Variants in HMCN1 observed in about 807,000 individuals in gnomAD.
HMCN1 encodes the protein hemicentin 1.
Under a neutral mutation model 625.9 loss-of-function variants are expected in HMCN1, and 321 were observed. That is an observed-to-expected ratio of 0.51 (90% CI 0.47 to 0.56). HMCN1 has a LOEUF of 0.56. HMCN1 is among the 20% of genes least tolerant of loss of function. HMCN1 has a pLI of 0.00. For synonymous variants in HMCN1, 2,425 were observed against 2,417.6 expected (o/e 1.00, Z -0.09); for missense variants, 6,588 against 6,887.3 (o/e 0.96, Z 1.54).
chr1:185,925,151 G>GTCTC lies in HMCN1; in HGVS notation c.1392_1393insTCTC (p.Arg465SerfsTer30). ...TCTTTTGCCCTTTACCTTGAGCTTT[G>GTCTC]TCAGAAATGGAGTTACACTTGGAGT... On this transcript the variant is annotated frameshift_variant, in exon 9 of 107. Coordinates refer to ENST00000271588, the MANE Select transcript of HMCN1 (RefSeq NM_031935.3). LOFTEE classifies it high-confidence loss of function. 1 of 1,613,926 alleles carries GTCTC rather than the reference G, an allele frequency of 6.2e-7. No homozygotes were observed. The highest frequency in any genetic ancestry group is 8.5e-7 in the Non-Finnish European group (1 of 1,179,902).
chr1:185,836,575 G>A (rs116596278), intron 1 of HMCN1, among the ~76,000 whole-genome samples: 2,752 of 152,026 alleles, frequency 0.018, 85 homozygotes, highest in African/African-American at 0.058. Context: ...AAAAATGTTC[G>A]TGTCCTTTTA....
chr1:186,115,566 T>C, intron 75 of HMCN1, 152 bp downstream of exon 75: 1 of 738,950 alleles, frequency 1.4e-6, no homozygotes, highest in South Asian at 1.7e-5. Flanking sequence ...ACTTAGTTTT[T>C]CAGCCTAAAA....
intron 4 of HMCN1, among the ~76,000 whole-genome samples, chr1:185,895,401 T>A (rs1218418522): frequency 6.6e-6 from 1 of 152,228 alleles, no homozygotes; most frequent in African/African-American, 2.4e-5. Flanking sequence ...TTGGCGATAT[T>A]CTTTCCTACT....
chr1:186,057,493 T>C (rs1657417210), intron 46 of HMCN1, 92 bp downstream of exon 46: 2 of 945,770 alleles, frequency 2.1e-6, no homozygotes, highest in Non-Finnish European at 3.4e-6. Flanking sequence ...TTTTATTGTT[T>C]TATTTTTTAA....
At position 186,001,338 on chromosome 1, in the gene HMCN1, G is replaced by T. The variant is rs967147302; in HGVS notation, c.4110G>T (p.Val1370=). Residue 1370 remains valine, a synonymous_variant, in exon 27 of 107, where the codon GTG becomes GTT. Transcript: ENST00000271588. ...VIKDKEQVTN[V]SVLLNQLTNL... ...AAGATAAAGAACAAGTTACAAATGT[G>T]TCGGTGTTGTTAAATCAGCTGACCA... is the stretch of plus-strand genomic sequence containing the variant. 5 of 1,612,004 alleles carry T rather than the reference G, an allele frequency of 3.1e-6. No individual in the cohort carries two copies. Among genetic ancestry groups the T allele is most frequent in the Non-Finnish European group, 8.5e-7 (1 of 1,178,488 alleles).
At chr1:185,939,520 A>G (rs1305399616) in intron 11 of HMCN1, among the ~76,000 whole-genome samples, 1 of 152,200 alleles carries the variant, frequency 6.6e-6, no homozygotes, top group Non-Finnish European at 1.5e-5. Flanking sequence ...TTTGACTTGT[A>G]GTTTTTTTGT....
chr1:185,989,108 C>T (rs531170205), intron 20 of HMCN1, among the ~76,000 whole-genome samples: 29 of 149,052 alleles, frequency 1.9e-4, no homozygotes, highest in Non-Finnish European at 2.5e-4. Context: ...CCCGGGTTCA[C>T]GCCATTCTCC....
chr1:185,871,159 G>A (rs2102370431), intron 4 of HMCN1, among the ~76,000 whole-genome samples: 1 of 151,424 alleles, frequency 6.6e-6, no homozygotes, highest in South Asian at 2.1e-4. Flanking sequence ...AGGCTGGGAG[G>A]CAGAAGTTGC....
rs1659517553 is a variant in HMCN1, at chr1:186,086,817, TAG to T, written c.9047-398_9047-397del. On this transcript the variant is annotated intron_variant, in intron 58 of 106. Transcript: ENST00000271588. ...AGATGATAGATAGATAGATAGATGA[TAG>T]ATAGATAGATAGATAGATAGATAGA... 8.3e-3 allele frequency among the ~76,000 whole-genome samples: 32 copies of T among 3,846 alleles called. No individual in the cohort carries two copies. In the South Asian group the frequency reaches 0.17, roughly 21 times the overall value. The allele number at this position is 3,846 out of a possible 152,430, so 2.5% of individuals were successfully genotyped here.
chr1:185,846,295 A>G (rs1661809649), intron 2 of HMCN1, among the ~76,000 whole-genome samples, 199 bp downstream of exon 2: 1 of 152,214 alleles, frequency 6.6e-6, no homozygotes, highest in African/African-American at 2.4e-5. Context: ...GGGGTTTGAA[A>G]TATCACCAGT....
intron 71 of HMCN1, among the ~76,000 whole-genome samples, chr1:186,108,967 G>T (rs1660752446): frequency 6.6e-6 from 1 of 152,208 alleles, no homozygotes; most frequent in African/African-American, 2.4e-5. Flanking sequence ...TAGGGAGAAT[G>T]CTTCTTTTAC....
At position 186,003,782 on chromosome 1, in the gene HMCN1, C is replaced by T. The variant is rs139736508; in HGVS notation, c.4413C>T (p.Val1471=). The change falls in exon 29 of 107, where the codon GTC becomes GTT. Residue 1471 remains valine, a synonymous_variant. Coordinates refer to ENST00000271588, the MANE Select transcript of HMCN1 (RefSeq NM_031935.3). Reference sequence around the variant, plus strand: ...TCTCAGTTGTCCTCAACCGTGACGTCGCCCTTGAATGCCAGGTCAAAGGCA... The same window carrying T: ...TCTCAGTTGTCCTCAACCGTGACGTTGCCCTTGAATGCCAGGTCAAAGGCA... ...NEVSVVLNRD[V]ALECQVKGTP... is the part of the protein sequence containing the mutation. The T allele has an allele frequency of 9.9e-6, 16 of 1,612,744 alleles. No individual in the cohort carries two copies. The highest frequency in any genetic ancestry group is 6.7e-5 in the Admixed American group (4 of 59,966).
At chr1:186,172,313 G>A (rs907550771) in intron 102 of HMCN1, among the ~76,000 whole-genome samples, 182 bp downstream of exon 102, 6 of 152,022 alleles carry the variant, frequency 3.9e-5, no homozygotes, top group African/African-American at 7.2e-5. Context: ...GGCTGTACCC[G>A]GAAATGGAAG....
At position 186,061,983 on chromosome 1, in the gene HMCN1, A is replaced by G. The variant is rs375546015; in HGVS notation, c.7426+19A>G. The stretch of plus-strand genomic sequence containing the variant: ...GTATTAGGTACTTATATAGTTTGCA[A>G]TATCTAGAAGAAACTTAAATTGCCT... On this transcript the variant is annotated intron_variant, in intron 47 of 106. Transcript: ENST00000271588. 6.1e-6 allele frequency: 9 copies of G among 1,481,418 alleles called. No homozygotes were observed. Among genetic ancestry groups the G allele is most frequent in the Middle Eastern group, 1.7e-4 (1 of 5,810 alleles). The allele number at this position is 1,481,418 out of a possible 1,614,324, so 91.8% of individuals were successfully genotyped here. A position where few individuals can be genotyped will look rare whatever the true frequency, so the allele number is the denominator to read the frequency against.
chr1:186,174,838 A>C (rs139483031), intron 103 of HMCN1, among the ~76,000 whole-genome samples, 196 bp downstream of exon 103: 42 of 152,296 alleles, frequency 2.8e-4, no homozygotes, highest in South Asian at 1.4e-3. Flanking sequence ...TTACACTGAC[A>C]TTTCAAGTGA....
chr1:186,014,330 A>G (rs578115697), intron 30 of HMCN1, among the ~76,000 whole-genome samples: 2 of 150,982 alleles, frequency 1.3e-5, no homozygotes, highest in Non-Finnish European at 3.0e-5. Flanking sequence ...ATATATATAT[A>G]TATTTTATTA....
In HMCN1 at chr1:185,990,352, G is replaced by A. The variant is rs377574530; in HGVS notation, c.3286G>A (p.Glu1096Lys). Residue 1096 changes from glutamate (E) to lysine (K), a missense_variant, in exon 22 of 107, where the codon GAG becomes AAG. Transcript: ENST00000271588. ...PVEISVLAGE[E>K]VTLPCEVKSL... ...TGAGATCTCCGTCCTTGCAGGGGAAGAGGTAACACTTCCATGTGAAGTGAA... is the reference window on the plus strand; with the variant it reads ...TGAGATCTCCGTCCTTGCAGGGGAAAAGGTAACACTTCCATGTGAAGTGAA... The A allele has an allele frequency of 6.2e-7, 1 of 1,613,870 alleles. No homozygotes were observed. Among genetic ancestry groups the A allele is most frequent in the African/African-American group, 1.3e-5 (1 of 75,040 alleles).
intron 4 of HMCN1, among the ~76,000 whole-genome samples, chr1:185,897,531 G>A (rs1304602633): frequency 6.6e-6 from 1 of 152,130 alleles, no homozygotes; most frequent in East Asian, 1.9e-4. Flanking sequence ...TATCTTTTCT[G>A]ATATGGCTTA....
intron 97 of HMCN1, among the ~76,000 whole-genome samples, chr1:186,157,311 A>C (rs1651086772): frequency 6.6e-6 from 1 of 152,180 alleles, no homozygotes; most frequent in Non-Finnish European, 1.5e-5. Flanking sequence ...ACTATCTTGA[A>C]ATAAAAATTG....
Sources: gnomAD v4.1 joint callset for allele counts (sites outside exome capture counted in the v4.1 genomes callset) on GRCh38, gnomAD v4.1.1 for gene constraint, MANE v1.5 for transcripts, NCBI Gene and HGNC (gene_info 2026-07-23, HGNC 2026-07-21) for gene names.